Variants in TMEM245 observed in about 807,000 individuals in gnomAD.
TMEM245 encodes transmembrane protein 245, also known as protein CG-2.
TMEM245 carries 69 observed loss-of-function variants against 101.2 expected under a neutral mutation model. The observed-to-expected ratio is 0.68, with a 90% CI of 0.56 to 0.83. The LOEUF is 0.83. Among genes scored for constraint, TMEM245 ranks in the 40% least tolerant of loss-of-function variants. The pLI, the probability that TMEM245 is intolerant of heterozygous loss-of-function variation, is 0.00. For synonymous variants in TMEM245, 537 were observed against 449.8 expected (o/e 1.19, Z -2.45); for missense variants, 1,075 against 1,092.8 (o/e 0.98, Z 0.23).
chr9:109,024,224 G>A (rs997555200), intron 17 of TMEM245, among the ~76,000 whole-genome samples: 4 of 152,136 alleles, frequency 2.6e-5, no homozygotes, highest in African/African-American at 2.4e-5. Flanking sequence ...TTCCTACACC[G>A]GCACCAGCAT....
chr9:109,069,211 T>G (rs996936860), intron 9 of TMEM245, among the ~76,000 whole-genome samples: 1 of 152,156 alleles, frequency 6.6e-6, no homozygotes, highest in Non-Finnish European at 1.5e-5. Flanking sequence ...GTGCCTTTGA[T>G]ACAGTTGCAG....
In TMEM245 at chr9:109,119,798, G is replaced by T; in HGVS notation, c.116C>A (p.Thr39Asn). ...GTCGAAGCGCAGCGCCAGCGCCGCG[G>T]TCCGCGGGGTCTCCCCGCCACCGCC... ...PSGGGGETPR[T>N]AALALRFDKP... The change falls in exon 1 of 18, where the codon ACC (threonine) becomes AAC (asparagine). Residue 39 changes from threonine (T) to asparagine (N), a missense_variant. Thr to Asn is a moderately conservative substitution (Grantham distance 65). This residue lies in a region of TMEM245 where 808 missense variants were observed against 741.5 expected (regional missense o/e 1.09). Coordinates refer to ENST00000374586, the MANE Select transcript of TMEM245 (RefSeq NM_032012.4). The T allele has an allele frequency of 6.9e-7, 1 of 1,457,300 alleles. No individual in the cohort carries two copies. The highest frequency in any genetic ancestry group is 9.0e-7 in the Non-Finnish European group (1 of 1,107,210). The allele number at this position is 1,457,300 out of a possible 1,614,324, so 90.3% of individuals were successfully genotyped here. A position where few individuals can be genotyped will look rare whatever the true frequency, so the allele number is the denominator to read the frequency against.
intron 17 of TMEM245, among the ~76,000 whole-genome samples, chr9:109,031,830 A>G (rs1339618885): frequency 6.6e-6 from 1 of 152,244 alleles, no homozygotes; most frequent in African/African-American, 2.4e-5. Context: ...AAACATTATA[A>G]TTTATTTTAT....
At chr9:109,060,604 A>T in intron 10 of TMEM245, 152 bp from the exon 11 acceptor site, 2 of 562,724 alleles carry the variant, frequency 3.6e-6, no homozygotes, top group Non-Finnish European at 6.2e-6. Context: ...CCTTAAATCT[A>T]CTCCTGAGTA....
chr9:109,054,561 T>C (rs1828778598), intron 12 of TMEM245, among the ~76,000 whole-genome samples: 1 of 152,118 alleles, frequency 6.6e-6, no homozygotes, highest in Non-Finnish European at 1.5e-5. Flanking sequence ...TGAAATACAC[T>C]GGGAAGATTT....
At chr9:109,112,370 T>C (rs762441693) in intron 1 of TMEM245, among the ~76,000 whole-genome samples, 22 of 151,604 alleles carry the variant, frequency 1.5e-4, no homozygotes, top group Non-Finnish European at 3.1e-4. Flanking sequence ...GTGAAACCCC[T>C]TCTCTACTAA....
intron 8 of TMEM245, among the ~76,000 whole-genome samples, chr9:109,073,857 T>G (rs71499685): frequency 4.4e-4 from 16 of 36,072 alleles, no homozygotes; most frequent in Admixed American, 1.3e-3. Flanking sequence ...TTTTTTTTTG[T>G]TTTTTTTTTT....
At chr9:109,080,192 A>C (rs1201727908) in intron 8 of TMEM245, among the ~76,000 whole-genome samples, 2 of 152,136 alleles carry the variant, frequency 1.3e-5, no homozygotes, top group South Asian at 2.1e-4. Context: ...GAACATACCA[A>C]AATCTGGGTT....
chr9:109,049,652 C>A (rs533176963), intron 14 of TMEM245, among the ~76,000 whole-genome samples: 58 of 152,046 alleles, frequency 3.8e-4, no homozygotes, highest in Non-Finnish European at 7.5e-4. Context: ...CATGGTAAAA[C>A]CTCATCTCTA....
At chr9:109,062,752 C>A (rs936808117) in intron 10 of TMEM245, among the ~76,000 whole-genome samples, 1 of 152,176 alleles carries the variant, frequency 6.6e-6, no homozygotes, top group Non-Finnish European at 1.5e-5. Context: ...GGAAGGATTG[C>A]GTAAGCACAG....
intron 3 of TMEM245, among the ~76,000 whole-genome samples, chr9:109,098,418 C>T (rs1830196998): frequency 6.6e-6 from 1 of 151,950 alleles, no homozygotes; most frequent in Non-Finnish European, 1.5e-5. Flanking sequence ...AGAAAATAAA[C>T]AAAGTATTTG....
chr9:109,050,134 C>G, intron 14 of TMEM245, 149 bp downstream of exon 14: 3 of 902,290 alleles, frequency 3.3e-6, no homozygotes, highest in Admixed American at 2.8e-5. Context: ...TCATATTTAT[C>G]CTGTCAAAAT....
At chr9:109,036,619 CTCT>C (rs1039349496) in intron 15 of TMEM245, among the ~76,000 whole-genome samples, 13 of 152,104 alleles carry the variant, frequency 8.5e-5, no homozygotes, top group Admixed American at 2.6e-4. Flanking sequence ...ATTTATGGAT[CTCT>C]TCTTAAGCAA....
intron 17 of TMEM245, among the ~76,000 whole-genome samples, chr9:109,031,981 T>C (rs978686443): frequency 3.3e-5 from 5 of 152,228 alleles, no homozygotes; most frequent in Non-Finnish European, 5.9e-5. Flanking sequence ...CTACACAAAA[T>C]TGAAATGCCG....
At chr9:109,064,149 C>CAG (rs575911457) in intron 10 of TMEM245, among the ~76,000 whole-genome samples, 2 of 152,306 alleles carry the variant, frequency 1.3e-5, no homozygotes, top group South Asian at 4.2e-4. Context: ...CAGTTATCAG[C>CAG]AGACAATAAG....
At chr9:109,059,029 A>G (rs1036598272) in intron 11 of TMEM245, among the ~76,000 whole-genome samples, 1 of 152,148 alleles carries the variant, frequency 6.6e-6, no homozygotes, top group Non-Finnish European at 1.5e-5. Flanking sequence ...TAACAAACCT[A>G]TGCTTATGAA....
chr9:109,107,013 CTT>C (rs71818830), intron 2 of TMEM245, among the ~76,000 whole-genome samples: 8,071 of 152,098 alleles, frequency 0.053, 333 homozygotes, highest in East Asian at 0.12. Context: ...CGGGCGTGAA[CTT>C]TCTCTCCCAA....
chr9:109,070,609 T>C (rs1369953045), intron 9 of TMEM245, among the ~76,000 whole-genome samples: 1 of 152,132 alleles, frequency 6.6e-6, no homozygotes, highest in Non-Finnish European at 1.5e-5. Context: ...CCTTCAATCT[T>C]TTCTCCACAA....
At chr9:109,050,820 C>G in intron 12 of TMEM245, 128 bp from the exon 13 acceptor site, 1 of 892,676 alleles carries the variant, frequency 1.1e-6, no homozygotes. Flanking sequence ...AGGATTATTT[C>G]AAATGAAAAT....
Sources: gnomAD v4.1 joint callset for allele counts (sites outside exome capture counted in the v4.1 genomes callset) on GRCh38, gnomAD v4.1.1 for gene constraint, gnomAD v4.1.1 regional missense constraint, MANE v1.5 for transcripts, NCBI Gene and HGNC (gene_info 2026-07-23, HGNC 2026-07-21) for gene names.